Variants in MKLN1 observed in about 807,000 individuals in gnomAD.
The protein encoded by MKLN1 is muskelin.
A neutral mutation model predicts 99.0 loss-of-function variants in MKLN1; 18 were observed. That is an observed-to-expected ratio of 0.18 (90% CI 0.13 to 0.27). MKLN1 has a LOEUF of 0.27. MKLN1 is among the 10% of genes least tolerant of loss of function. MKLN1 has a pLI of 1.00. For missense variants in MKLN1, 621 were observed against 875.9 expected, an observed-to-expected ratio of 0.71 and a Z score of 3.67; for synonymous variants, 288 against 293.2, an observed-to-expected ratio of 0.98 and a Z score of 0.18.
chr7:131,405,344 A>C (rs1326809418), intron 6 of MKLN1, among the ~76,000 whole-genome samples: 1 of 149,142 alleles, frequency 6.7e-6, no homozygotes, highest in Non-Finnish European at 1.5e-5. Context: ...TTTGTTACTT[A>C]TCTTGAATAT....
intron 8 of MKLN1, among the ~76,000 whole-genome samples, chr7:131,426,840 C>T (rs1432930696): frequency 2.0e-5 from 3 of 151,788 alleles, no homozygotes; most frequent in African/African-American, 4.8e-5. Flanking sequence ...CTGCAGCCTC[C>T]ACCTCCTGAG....
chr7:131,188,012 C>T (rs944431393), intron 2 of MKLN1, among the ~76,000 whole-genome samples: 1 of 151,600 alleles, frequency 6.6e-6, no homozygotes, highest in East Asian at 1.9e-4. Context: ...TTCTTCTCTT[C>T]TAATCTGATA....
intron 3 of MKLN1, among the ~76,000 whole-genome samples, chr7:131,236,282 G>A (rs935315420): frequency 6.6e-6 from 1 of 152,054 alleles, no homozygotes; most frequent in Non-Finnish European, 1.5e-5. Context: ...TGTGAAATGA[G>A]ATAAGGAAAT....
intron 7 of MKLN1, 134 bp from the exon 8 acceptor site, chr7:131,414,511 C>A (rs779570727): frequency 3.8e-6 from 2 of 525,614 alleles, no homozygotes; most frequent in Non-Finnish European, 6.7e-6. Flanking sequence ...TTTTATGAGT[C>A]CTTTTACTTA....
intron 12 of MKLN1, among the ~76,000 whole-genome samples, chr7:131,449,071 G>C (rs1167762059): frequency 6.6e-6 from 1 of 152,146 alleles, no homozygotes; most frequent in Non-Finnish European, 1.5e-5. Context: ...GAATAACAAG[G>C]GAAGTCTCAT....
chr7:131,400,671 GA>G (rs1794513647), intron 6 of MKLN1, among the ~76,000 whole-genome samples: 1 of 151,438 alleles, frequency 6.6e-6, no homozygotes, highest in Non-Finnish European at 1.5e-5. Context: ...TTTGTGAAGG[GA>G]AAGCAAAACA....
chr7:131,195,913 T>A (rs1463520394), intron 2 of MKLN1, among the ~76,000 whole-genome samples: 2 of 152,194 alleles, frequency 1.3e-5, no homozygotes, highest in Non-Finnish European at 2.9e-5. Context: ...ATTGCACCAC[T>A]GCACTCAGCC....
intron 1 of MKLN1, among the ~76,000 whole-genome samples, chr7:131,364,296 C>G (rs1054602446): frequency 6.6e-6 from 1 of 152,030 alleles, no homozygotes; most frequent in South Asian, 2.1e-4. Context: ...TCAGCATTCC[C>G]CCTTCCCACA....
At chr7:131,385,031 A>G (rs970240868) in intron 2 of MKLN1, among the ~76,000 whole-genome samples, 2 of 152,192 alleles carry the variant, frequency 1.3e-5, no homozygotes, top group African/African-American at 4.8e-5. Flanking sequence ...CCCAGTAAGG[A>G]GTATCTCCTT....
intron 1 of MKLN1, among the ~76,000 whole-genome samples, chr7:131,361,076 C>G (rs1006214519): frequency 6.6e-6 from 1 of 151,552 alleles, no homozygotes; most frequent in African/African-American, 2.4e-5. Flanking sequence ...CTTTGGTTTT[C>G]TGCAGTTTGA....
chr7:131,191,164 C>T (rs161877), intron 2 of MKLN1, among the ~76,000 whole-genome samples: 3,326 of 152,294 alleles, frequency 0.022, 117 homozygotes, highest in African/African-American at 0.075. Flanking sequence ...GTTGTTTGCT[C>T]AGATTACAAA....
intron 3 of MKLN1, among the ~76,000 whole-genome samples, chr7:131,263,519 T>C (rs903585049): frequency 6.6e-6 from 1 of 151,586 alleles, no homozygotes; most frequent in Non-Finnish European, 1.5e-5. Context: ...AGCTAGACCC[T>C]GTCTCAAAAT....
intron 1 of MKLN1, among the ~76,000 whole-genome samples, chr7:131,122,492 G>A (rs114466151): frequency 0.014 from 2,205 of 152,186 alleles, 18 homozygotes; most frequent in African/African-American, 0.018. Context: ...AGGTGATGAC[G>A]AAAAGGGCAA....
At chr7:131,185,300 C>T (rs925924091) in intron 2 of MKLN1, among the ~76,000 whole-genome samples, 22 of 151,810 alleles carry the variant, frequency 1.4e-4, no homozygotes, top group African/African-American at 3.1e-4. Flanking sequence ...CCTAGGGGCC[C>T]GGCACGGTGG....
intron 4 of MKLN1, among the ~76,000 whole-genome samples, chr7:131,394,435 T>G (rs1794298390): frequency 6.6e-6 from 1 of 152,034 alleles, no homozygotes; most frequent in Non-Finnish European, 1.5e-5. Flanking sequence ...TAGATTCTCA[T>G]AAGGAGTGCA....
intron 2 of MKLN1, among the ~76,000 whole-genome samples, chr7:131,201,615 T>G (rs1796729503): frequency 6.6e-6 from 1 of 152,244 alleles, no homozygotes; most frequent in Non-Finnish European, 1.5e-5. Context: ...ATACTGTATC[T>G]ACTTTGGTGC....
intron 16 of MKLN1, among the ~76,000 whole-genome samples, chr7:131,473,795 C>T (rs1796892906): frequency 6.6e-6 from 1 of 152,154 alleles, no homozygotes. Context: ...GAGGTACTTA[C>T]ATTTTAGTGG....
At chr7:131,200,581 T>C (rs562479200) in intron 2 of MKLN1, among the ~76,000 whole-genome samples, 1 of 152,322 alleles carries the variant, frequency 6.6e-6, no homozygotes, top group Admixed American at 6.5e-5. Flanking sequence ...TGAGAAAATA[T>C]GGGTCAAATA....
At chr7:131,172,171 C>T (rs1303359372) in intron 2 of MKLN1, among the ~76,000 whole-genome samples, 2 of 152,082 alleles carry the variant, frequency 1.3e-5, no homozygotes, top group Non-Finnish European at 2.9e-5. Flanking sequence ...GATGGAGTCT[C>T]GCTCTGTCGC....
Sources: gnomAD v4.1 joint callset for allele counts (sites outside exome capture counted in the v4.1 genomes callset) on GRCh38, gnomAD v4.1.1 for gene constraint, MANE v1.5 for transcripts, NCBI Gene and HGNC (gene_info 2026-07-23, HGNC 2026-07-21) for gene names.